AFAP1L2: variants seen among roughly 807,000 people sequenced by gnomAD.
AFAP1L2 encodes actin filament associated protein 1 like 2.
AFAP1L2 carries 46 observed loss-of-function variants against 99.3 expected under a neutral mutation model. The observed-to-expected ratio is 0.46, with a 90% confidence interval of 0.37 to 0.59. AFAP1L2 has a LOEUF of 0.59. AFAP1L2 is among the 20% of genes least tolerant of loss of function. The pLI is 0.00. For synonymous variants in AFAP1L2, 397 were observed against 419.1 expected, an observed-to-expected ratio of 0.95 and a Z score of 0.64; for missense variants, 959 against 1,034.9, an observed-to-expected ratio of 0.93 and a Z score of 1.01.
Position 114,329,530 on chromosome 10 carries a change from G to A in AFAP1L2, c.315+2273C>T, listed in dbSNP as rs766718239. On this transcript the variant is annotated intron_variant, in intron 4 of 18. Transcript: ENST00000304129. ...AGCAAAGCCCAAGATACCTTGGTCA[G>A]AATCAGACGCTGGATTTAGGATAGA... Among the ~76,000 whole-genome samples, 8 of 152,316 alleles carry A rather than the reference G, an allele frequency of 5.3e-5. No homozygotes were observed. The East Asian group carries it at 5.8e-4, about 11-fold the overall frequency.
intron 1 of AFAP1L2, among the ~76,000 whole-genome samples, chr10:114,375,113 T>C (rs911118634): frequency 6.6e-6 from 1 of 152,184 alleles, no homozygotes; most frequent in African/African-American, 2.4e-5. Flanking sequence ...AAATGGCTTT[T>C]ACATTTTTAA....
chr10:114,286,171 C>T, the AFAP1L2 span: 9 of 1,613,978 alleles, frequency 5.6e-6, no homozygotes, highest in Admixed American at 3.3e-5. Context: ...TCTGGAGCCT[C>T]GATGGCATTC....
At chr10:114,349,815 C>T (rs550839201) in intron 1 of AFAP1L2, among the ~76,000 whole-genome samples, 11 of 15,392 alleles carry the variant, frequency 7.1e-4, no homozygotes, top group African/African-American at 1.5e-3. Context: ...GCGAGGGGGG[C>T]GGGGGGGTTT....
chr10:114,301,504 G>T, intron 12 of AFAP1L2, 39 bp from the exon 13 acceptor site: 1 of 1,486,306 alleles, frequency 6.7e-7, no homozygotes, highest in Non-Finnish European at 9.4e-7. Context: ...AAGCAGCCGG[G>T]GCAGGGTGGT....
At position 114,374,138 on chromosome 10, in the gene AFAP1L2, G is replaced by A. The variant is rs1425232163; in HGVS notation, c.16+30302C>T. ...TCCTCCTCTGTTGCTTCAGCATTCC[G>A]GGCTTGGGAGGATGTTTTGTCGGTT... On this transcript the variant is annotated intron_variant, in intron 1 of 18. Coordinates refer to ENST00000304129, the MANE Select transcript of AFAP1L2 (RefSeq NM_001001936.3). 3.3e-5 allele frequency among the ~76,000 whole-genome samples: 5 copies of A among 152,134 alleles called. No homozygotes were observed. In the East Asian group the frequency reaches 5.8e-4, roughly 18 times the overall value.
the AFAP1L2 span, chr10:114,289,332 G>C: frequency 6.2e-7 from 1 of 1,614,264 alleles, no homozygotes; most frequent in African/African-American, 1.3e-5. Context: ...CCCAGAAGCT[G>C]AGGAACAATG....
intron 7 of AFAP1L2, among the ~76,000 whole-genome samples, chr10:114,311,378 C>G (rs1049501308): frequency 3.9e-5 from 6 of 152,220 alleles, no homozygotes; most frequent in Non-Finnish European, 1.5e-5. Flanking sequence ...ATAGATCCCC[C>G]TCTTTCAGTC....
chr10:114,289,992 CAAAAA>C (rs35165936), downstream of AFAP1L2: 363 of 212,536 alleles, frequency 1.7e-3, no homozygotes, highest in Middle Eastern at 4.8e-3. Flanking sequence ...GATTCTGCCT[CAAAAA>C]AAAAAAAAAA....
intron 1 of AFAP1L2, among the ~76,000 whole-genome samples, chr10:114,390,846 C>T (rs1386126237): frequency 6.6e-6 from 1 of 152,134 alleles, no homozygotes; most frequent in Non-Finnish European, 1.5e-5. Flanking sequence ...GTGCCACCTT[C>T]TCATTTCTGC....
Position 114,295,808 on chromosome 10 carries a change from G to C in AFAP1L2, c.*234C>G. 7.4e-7 allele frequency: 1 copy of C among 1,342,322 alleles called. No homozygotes were observed. The highest frequency in any genetic ancestry group is 9.6e-7 in the Non-Finnish European group (1 of 1,046,582). 83.2% of individuals were successfully genotyped at this position (1,342,322 alleles called of 1,614,324 possible). On this transcript the variant is annotated 3_prime_UTR_variant, in exon 19 of 19. Transcript: ENST00000304129. ...AGAACATCCCTAAATACAACGTCTT[G>C]TTTACATCCAATAGACTTAGGTCTC...
chr10:114,286,427 C>T, the AFAP1L2 span: 4,397 of 1,613,604 alleles, frequency 2.7e-3, 100 homozygotes, highest in African/African-American at 0.051. Flanking sequence ...CAGCCCAAAG[C>T]ATGTGATGGT....
chr10:114,391,467 G>A (rs1465479777), intron 1 of AFAP1L2, among the ~76,000 whole-genome samples: 3 of 152,160 alleles, frequency 2.0e-5, no homozygotes, highest in African/African-American at 7.2e-5. Context: ...TGATCCACCT[G>A]CCTCAGCCTC....
chr10:114,364,857 G>C (rs1590595062), intron 1 of AFAP1L2, among the ~76,000 whole-genome samples: 1 of 152,234 alleles, frequency 6.6e-6, no homozygotes, highest in East Asian at 1.9e-4. Flanking sequence ...GAATGGGAGG[G>C]GGAGCCTTCT....
chr10:114,379,984 G>A (rs189184888), intron 1 of AFAP1L2, among the ~76,000 whole-genome samples: 17 of 152,308 alleles, frequency 1.1e-4, no homozygotes, highest in Middle Eastern at 3.4e-3. Flanking sequence ...TTTGTGAGGC[G>A]GCAGGGGCGG....
At chr10:114,348,488 T>A (rs2049946550) in intron 1 of AFAP1L2, among the ~76,000 whole-genome samples, 1 of 152,206 alleles carries the variant, frequency 6.6e-6, no homozygotes. Context: ...AGAAGTTTGC[T>A]CCTTTTTCTT....
Position 114,404,479 on chromosome 10 carries a change from G to C in AFAP1L2, c.-24C>G, listed in dbSNP as rs550265811. 3.3e-6 allele frequency: 5 copies of C among 1,535,734 alleles called. No individual in the cohort carries two copies. Among genetic ancestry groups the C allele is most frequent in the Admixed American group, 2.0e-5 (1 of 50,732 alleles). On this transcript the variant is annotated 5_prime_UTR_variant, in exon 1 of 19. Coordinates refer to ENST00000304129, the MANE Select transcript of AFAP1L2 (RefSeq NM_001001936.3). ...ATCGGGGCCACGGAGTGCGCTCCTC[G>C]CGGCTCGGCTTCTGCGCTGCTCTCC...
At chr10:114,321,152 G>T (rs996668451) in intron 5 of AFAP1L2, among the ~76,000 whole-genome samples, 4 of 152,098 alleles carry the variant, frequency 2.6e-5, no homozygotes, top group African/African-American at 9.7e-5. Flanking sequence ...AATAGTTTTT[G>T]GGGTTCAGGT....
chr10:114,323,569 C>T (rs1342027436), intron 4 of AFAP1L2, among the ~76,000 whole-genome samples: 1 of 152,198 alleles, frequency 6.6e-6, no homozygotes, highest in East Asian at 1.9e-4. Flanking sequence ...CATGATATAT[C>T]ATGCACTTAG....
the AFAP1L2 span, among the ~76,000 whole-genome samples, chr10:114,287,025 C>T: frequency 6.6e-6 from 1 of 152,184 alleles, no homozygotes; most frequent in Non-Finnish European, 1.5e-5. Flanking sequence ...AGGATACTTA[C>T]CCTGTCTACT....
Sources: gnomAD v4.1 joint callset for allele counts (sites outside exome capture counted in the v4.1 genomes callset) on GRCh38, gnomAD v4.1.1 for gene constraint, MANE v1.5 for transcripts, NCBI Gene and HGNC (gene_info 2026-07-23, HGNC 2026-07-21) for gene names.